The following TOGARAM2 variants were observed in gnomAD, a reference collection of about 807,000 sequenced individuals.
The protein encoded by TOGARAM2 is TOG array regulator of axonemal microtubules 2, also known as TOG array regulator of axonemal microtubules protein 2.
In TOGARAM2, 85 loss-of-function variants were observed where a neutral mutation model predicts 93.3. That is an observed-to-expected ratio of 0.91 (90% CI 0.76 to 1.09). The LOEUF (loss-of-function observed/expected upper bound fraction) is 1.09, where lower values mean the gene tolerates loss of function less well. Ranked by LOEUF, TOGARAM2 falls within the 50% of genes least tolerant of loss-of-function variation. The pLI is 0.00. For synonymous variants in TOGARAM2, 593 were observed against 552.8 expected, an observed-to-expected ratio of 1.07 and a Z score of -1.02; for missense variants, 1,277 against 1,334.5, an observed-to-expected ratio of 0.96 and a Z score of 0.67.
chr2:28,980,387 C>G (rs1184248509), upstream of TOGARAM2, among the ~76,000 whole-genome samples: 2 of 152,252 alleles, frequency 1.3e-5, no homozygotes, highest in African/African-American at 2.4e-5. Flanking sequence ...TGGCCTCCCA[C>G]CAGCCATCCC....
chr2:28,991,872 A>G (rs1244104809), intron 1 of TOGARAM2, among the ~76,000 whole-genome samples: 2 of 152,120 alleles, frequency 1.3e-5, no homozygotes. Flanking sequence ...GGAGGAGGGG[A>G]CAACGGTTAC....
At chr2:29,011,037 G>T (rs1664210374) in intron 6 of TOGARAM2, among the ~76,000 whole-genome samples, 1 of 152,178 alleles carries the variant, frequency 6.6e-6, no homozygotes, top group Admixed American at 6.5e-5. Context: ...GCTCTCACGG[G>T]GTTGGGGCAG....
At chr2:29,036,807 C>A in intron 18 of TOGARAM2, 50 bp downstream of exon 18, 5 of 1,550,278 alleles carry the variant, frequency 3.2e-6, no homozygotes, top group Non-Finnish European at 4.4e-6. Context: ...TGTCCACCCT[C>A]CTGCTTGGAA....
intron 6 of TOGARAM2, among the ~76,000 whole-genome samples, chr2:29,005,842 CAG>C (rs1403922496): frequency 5.1e-5 from 6 of 118,756 alleles, no homozygotes; most frequent in African/African-American, 2.0e-4. Context: ...GTGTATGTGT[CAG>C]TGCATGTGTG....
chr2:28,983,905 G>A (rs1371842610), intron 1 of TOGARAM2, among the ~76,000 whole-genome samples: 3 of 152,084 alleles, frequency 2.0e-5, no homozygotes, highest in Admixed American at 6.5e-5. Context: ...CCAGGGGGTT[G>A]AGCATCTGCC....
At chr2:29,040,470 G>A (rs12473589) in intron 18 of TOGARAM2, among the ~76,000 whole-genome samples, 13,827 of 152,200 alleles carry the variant, frequency 0.091, 706 homozygotes, top group East Asian at 0.14. Context: ...TTGTTGTAGG[G>A]TAAATCCACC....
chr2:29,017,071 C>T (rs1191168288), intron 8 of TOGARAM2, 83 bp from the exon 9 acceptor site: 18 of 1,532,454 alleles, frequency 1.2e-5, no homozygotes, highest in Admixed American at 1.1e-4. Flanking sequence ...GCAATTGGCA[C>T]ACAGTAGAAA....
intron 11 of TOGARAM2, among the ~76,000 whole-genome samples, 170 bp downstream of exon 11, chr2:29,022,478 A>T (rs1665020829): frequency 6.6e-6 from 1 of 152,108 alleles, no homozygotes; most frequent in African/African-American, 2.4e-5. Context: ...ATGTGTGTTT[A>T]TGTGCGTGTG....
chr2:29,013,669 G>A (rs1572705697), intron 7 of TOGARAM2, among the ~76,000 whole-genome samples: 1 of 152,322 alleles, frequency 6.6e-6, no homozygotes, highest in East Asian at 1.9e-4. Flanking sequence ...GACCCGGCAA[G>A]CAAGGTGATC....
intron 1 of TOGARAM2, among the ~76,000 whole-genome samples, chr2:28,984,444 G>A (rs1029581149): frequency 6.6e-6 from 1 of 152,176 alleles, no homozygotes; most frequent in Non-Finnish European, 1.5e-5. Flanking sequence ...CTTTCCTGGG[G>A]TGTGACAGAC....
intron 18 of TOGARAM2, 102 bp downstream of exon 18, chr2:29,036,859 A>G (rs1666146831): frequency 8.5e-7 from 1 of 1,173,678 alleles, no homozygotes; most frequent in Admixed American, 2.0e-5. Flanking sequence ...CCCAGGCCAG[A>G]TGTTTCACCA....
intron 1 of TOGARAM2, among the ~76,000 whole-genome samples, chr2:28,968,830 A>AC (rs1671905020): frequency 1.9e-4 from 12 of 62,862 alleles, no homozygotes; most frequent in Non-Finnish European, 3.8e-4. Flanking sequence ...AAAAAAAAAA[A>AC]AAAAAAAAAA....
In TOGARAM2 at chr2:28,968,839, AAC is replaced by A. The variant is rs1385305427; in HGVS notation, c.-147+12144_-147+12145del. Among the ~76,000 whole-genome samples the A allele has an allele frequency of 4.1e-3, 521 of 125,676 alleles. 3 individuals are homozygous for A. Among genetic ancestry groups the A allele is most frequent in the African/African-American group, 0.011 (388 of 36,542 alleles). The allele number at this position is 125,676 out of a possible 152,430, so 82.4% of individuals were successfully genotyped here. Reference sequence around the variant, plus strand: ...TCAAAAAAAAAAAAAAAAAAAAAAAAACAAGGAAAAAGAAAAAAGCGCATGCC... The same window carrying A: ...TCAAAAAAAAAAAAAAAAAAAAAAAAAAGGAAAAAGAAAAAAGCGCATGCC... On this transcript the variant is annotated intron_variant, in intron 1 of 6. Transcript: ENST00000401723.
chr2:29,045,429 A>G lies in TOGARAM2; in HGVS notation c.2722+19A>G, dbSNP rs748417770. On this transcript the variant is annotated intron_variant, in intron 19 of 19. Coordinates refer to ENST00000379558, the MANE Select transcript of TOGARAM2 (RefSeq NM_199280.4). ...CTGGCAGGTGAGCACCCCCAGCCCCACCCCACCCCATCTCCTGGCAGATTT... is the reference window on the plus strand; with the variant it reads ...CTGGCAGGTGAGCACCCCCAGCCCCGCCCCACCCCATCTCCTGGCAGATTT... 9.0e-7 allele frequency: 1 copy of G among 1,106,004 alleles called. No individual in the cohort carries two copies. The highest frequency in any genetic ancestry group is 1.2e-5 in the South Asian group (1 of 81,296). 68.5% of individuals were successfully genotyped at this position (1,106,004 alleles called of 1,614,324 possible).
intron 1 of TOGARAM2, among the ~76,000 whole-genome samples, chr2:28,968,966 G>C (rs1671907967): frequency 6.6e-6 from 1 of 152,062 alleles, no homozygotes; most frequent in Non-Finnish European, 1.5e-5. Context: ...TCAGAAGCTG[G>C]CTCTCTCTGC....
chr2:29,001,745 C>T (rs1045536795), intron 4 of TOGARAM2, among the ~76,000 whole-genome samples: 4 of 152,184 alleles, frequency 2.6e-5, no homozygotes, highest in Admixed American at 6.5e-5. Context: ...CTCCCGTTCT[C>T]GGCCTCCCAA....
chr2:29,032,839 C>A, intron 14 of TOGARAM2, 95 bp from the exon 15 acceptor site: 1 of 990,706 alleles, frequency 1.0e-6, no homozygotes, highest in Non-Finnish European at 1.5e-6. Flanking sequence ...GTATTAAAAA[C>A]TCTCTTTAAT....
intron 6 of TOGARAM2, 58 bp downstream of exon 6, chr2:29,003,740 T>C: frequency 7.3e-7 from 1 of 1,360,832 alleles, no homozygotes; most frequent in Non-Finnish European, 9.7e-7. Context: ...CCCCCTGAGA[T>C]CCACTGGGGC....
At chr2:29,002,407 A>G in intron 4 of TOGARAM2, 129 bp from the exon 5 acceptor site, 6 of 761,784 alleles carry the variant, frequency 7.9e-6, no homozygotes, top group Non-Finnish European at 8.5e-6. Flanking sequence ...GGTTGGGGAC[A>G]GATCTGATCT....
Sources: gnomAD v4.1 joint callset for allele counts (sites outside exome capture counted in the v4.1 genomes callset) on GRCh38, gnomAD v4.1.1 for gene constraint, MANE v1.5 for transcripts, NCBI Gene and HGNC (gene_info 2026-07-23, HGNC 2026-07-21) for gene names.